The following SORCS1 variants were observed in gnomAD, a reference collection of about 807,000 sequenced individuals.
The protein encoded by SORCS1 is sortilin related VPS10 domain containing receptor 1, also known as VPS10 domain-containing receptor SorCS1.
Under a neutral mutation model 146.1 loss-of-function variants are expected in SORCS1, and 60 were observed. That is an observed-to-expected ratio of 0.41 (90% CI 0.33 to 0.51). The LOEUF (loss-of-function observed/expected upper bound fraction) is 0.51, where lower values mean the gene tolerates loss of function less well. Ranked by LOEUF, SORCS1 falls within the 20% of genes least tolerant of loss-of-function variation. The probability of loss-of-function intolerance (pLI) is 0.21; values close to 1 mark genes in which losing one functional copy is unlikely to be tolerated. For missense variants in SORCS1, 1,352 were observed against 1,487.6 expected (o/e 0.91, Z 1.50); for synonymous variants, 637 against 584.0 (o/e 1.09, Z -1.31).
intron 5 of SORCS1, among the ~76,000 whole-genome samples, chr10:106,753,937 T>A (rs896124933): frequency 6.6e-6 from 1 of 152,328 alleles, no homozygotes; most frequent in Middle Eastern, 3.4e-3. Flanking sequence ...GTGGGAAACA[T>A]TAGGCAAAAT....
At chr10:106,657,742 T>C (rs1262227168) in intron 17 of SORCS1, among the ~76,000 whole-genome samples, 1 of 151,678 alleles carries the variant, frequency 6.6e-6, no homozygotes, top group East Asian at 1.9e-4. Context: ...TTAAAACTAG[T>C]GTTGTAGAAC....
rs1967440885 is a variant in SORCS1, at chr10:107,137,728, G to A, written c.558+26241C>T. On this transcript the variant is annotated intron_variant, in intron 1 of 25. Coordinates refer to ENST00000263054, the MANE Select transcript of SORCS1 (RefSeq NM_052918.5). ...AAACACAAAATTAGCTGGGCCTGGT[G>A]GCACATGCCTGTAATCCCAGCTACT... Among the ~76,000 whole-genome samples, 4 of 152,104 alleles carry A rather than the reference G, an allele frequency of 2.6e-5. No homozygotes were observed. The South Asian group carries it at 8.3e-4, about 32-fold the overall frequency.
At chr10:107,011,930 A>ACTG in intron 1 of SORCS1, among the ~76,000 whole-genome samples, 1 of 152,332 alleles carries the variant, frequency 6.6e-6, no homozygotes, top group African/African-American at 2.4e-5. Context: ...ATTTGTAAGG[A>ACTG]CTGGTGAAAT....
chr10:106,836,230 T>C (rs947044863), intron 2 of SORCS1, among the ~76,000 whole-genome samples: 1 of 151,536 alleles, frequency 6.6e-6, no homozygotes, highest in African/African-American at 2.4e-5. Context: ...ATCCCAGAAC[T>C]TTGGGAGGCC....
chr10:107,020,716 T>G (rs1958090668), intron 1 of SORCS1, among the ~76,000 whole-genome samples: 1 of 152,214 alleles, frequency 6.6e-6, no homozygotes, highest in Non-Finnish European at 1.5e-5. Context: ...AAACAGACCT[T>G]TCTAAAGAAT....
At chr10:106,777,271 A>T (rs1412178996) in intron 3 of SORCS1, among the ~76,000 whole-genome samples, 1 of 151,912 alleles carries the variant, frequency 6.6e-6, no homozygotes, top group Non-Finnish European at 1.5e-5. Context: ...CACCCTCATC[A>T]CCTTCTAGCC....
chr10:106,987,939 C>A (rs1219963647), intron 1 of SORCS1, among the ~76,000 whole-genome samples: 1 of 152,118 alleles, frequency 6.6e-6, no homozygotes. Context: ...AAGGTGAATT[C>A]CCTCAGGGCC....
At chr10:107,079,723 A>T (rs1012517406) in intron 1 of SORCS1, among the ~76,000 whole-genome samples, 1 of 152,172 alleles carries the variant, frequency 6.6e-6, no homozygotes, top group Non-Finnish European at 1.5e-5. Context: ...TGAGTCAATC[A>T]ATCTGACTAG....
chr10:106,765,319 C>T (rs922641748), intron 4 of SORCS1, among the ~76,000 whole-genome samples: 1 of 152,104 alleles, frequency 6.6e-6, no homozygotes, highest in African/African-American at 2.4e-5. Context: ...CATTATGCTA[C>T]TCTGGGGCTA....
intron 22 of SORCS1, among the ~76,000 whole-genome samples, chr10:106,611,064 A>G (rs1846951144): frequency 6.6e-6 from 1 of 152,090 alleles, no homozygotes; most frequent in African/African-American, 2.4e-5. Context: ...TGGGTGACAG[A>G]GTGAGACTAT....
At chr10:107,100,365 T>C (rs1440475734) in intron 1 of SORCS1, among the ~76,000 whole-genome samples, 2 of 151,816 alleles carry the variant, frequency 1.3e-5, no homozygotes, top group African/African-American at 2.4e-5. Context: ...TACAAAAAAC[T>C]TAGCTGGGCG....
intron 1 of SORCS1, among the ~76,000 whole-genome samples, chr10:107,139,489 T>C (rs1257165179): frequency 6.6e-6 from 1 of 152,014 alleles, no homozygotes; most frequent in Non-Finnish European, 1.5e-5. Context: ...TAGCAAATTC[T>C]AGGGGATGCC....
intron 4 of SORCS1, among the ~76,000 whole-genome samples, chr10:106,765,790 A>C (rs1859523165): frequency 6.6e-6 from 1 of 151,594 alleles, no homozygotes; most frequent in Admixed American, 6.6e-5. Context: ...AAGAAATTCA[A>C]CTCCTTGTGG....
At chr10:106,756,660 G>T (rs1589813181) in intron 5 of SORCS1, among the ~76,000 whole-genome samples, 1 of 152,098 alleles carries the variant, frequency 6.6e-6, no homozygotes, top group African/African-American at 2.4e-5. Context: ...CTCCTTGGAG[G>T]AAAGTTCTTA....
At chr10:107,018,745 A>C (rs1334223537) in intron 1 of SORCS1, among the ~76,000 whole-genome samples, 3 of 152,126 alleles carry the variant, frequency 2.0e-5, no homozygotes, top group Non-Finnish European at 2.9e-5. Flanking sequence ...AGCTCTAGGA[A>C]TGTTCTGCCT....
In SORCS1 at chr10:106,726,359, CAAAAAAAAAAAAAA is replaced by C. The variant is rs60801871; in HGVS notation, c.1024+3677_1024+3690del. ...ATAGTTTCTGAAGATGCTGCCTTCG[CAAAAAAAAAAAAAA>C]AAAAAAAAAAAAAAAGTAAAATAAA... On this transcript the variant is annotated intron_variant, in intron 6 of 25. Coordinates refer to ENST00000263054, the MANE Select transcript of SORCS1 (RefSeq NM_052918.5). Among the ~76,000 whole-genome samples, 5 of 43,582 alleles carry C rather than the reference CAAAAAAAAAAAAAA, an allele frequency of 1.1e-4. 1 individual carries two copies. The highest frequency in any genetic ancestry group is 1.5e-4 in the Non-Finnish European group (4 of 26,628). 28.6% of individuals were successfully genotyped at this position (43,582 alleles called of 152,430 possible).
At chr10:106,584,307 T>C (rs1006206304) in intron 24 of SORCS1, among the ~76,000 whole-genome samples, 2 of 152,146 alleles carry the variant, frequency 1.3e-5, no homozygotes, top group African/African-American at 4.8e-5. Context: ...AAGTTTCCTA[T>C]GTTATTGGGA....
At chr10:106,756,114 G>C (rs1234797334) in intron 5 of SORCS1, among the ~76,000 whole-genome samples, 3 of 149,794 alleles carry the variant, frequency 2.0e-5, no homozygotes, top group African/African-American at 7.3e-5. Flanking sequence ...GGGTGACAGA[G>C]CAAGACAATG....
chr10:107,164,547 G>A lies in SORCS1; in HGVS notation c.-21C>T. On this transcript the variant is annotated 5_prime_UTR_variant, in exon 1 of 26. Transcript: ENST00000263054. The surrounding 1 kb of genome is among the most constrained non-coding windows in gnomAD (Gnocchi z 6.8). ...CCCATCGCGGGAGCGAAGAGCAGCG[G>A]AGAGAGGGGTCCCAGAACGAAGGTG... 2 of 1,335,006 alleles carry A rather than the reference G, an allele frequency of 1.5e-6. No homozygotes were observed. Among genetic ancestry groups the A allele is most frequent in the South Asian group, 2.0e-5 (1 of 49,190 alleles). The allele number at this position is 1,335,006 out of a possible 1,614,324, so 82.7% of individuals were successfully genotyped here.
Sources: allele counts gnomAD v4.1 joint callset (sites outside exome capture counted in the v4.1 genomes callset), GRCh38; gene constraint gnomAD v4.1.1; non-coding constraint Gnocchi (gnomAD v3.1); transcripts MANE v1.5; gene names NCBI Gene and HGNC (gene_info 2026-07-23, HGNC 2026-07-21).